The following LIMS2 variants were observed in gnomAD, a reference collection of about 807,000 sequenced individuals.
LIMS2 encodes LIM and senescent cell antigen-like-containing domain protein 2.
Under a neutral mutation model 45.3 loss-of-function variants are expected in LIMS2, and 30 were observed. The observed-to-expected ratio is 0.66, with a 90% CI of 0.50 to 0.90. The LOEUF (loss-of-function observed/expected upper bound fraction) is 0.90. Among genes scored for constraint, LIMS2 ranks in the 40% least tolerant of loss-of-function variants. The pLI is 0.00. For missense variants in LIMS2, 485 were observed against 468.7 expected, an observed-to-expected ratio of 1.03 and a Z score of -0.32; for synonymous variants, 173 against 188.0, an observed-to-expected ratio of 0.92 and a Z score of 0.65.
rs1400628319 is a variant in LIMS2, at chr2:127,672,854, G to C, written c.11+2160C>G. Among the ~76,000 whole-genome samples the C allele has an allele frequency of 6.6e-6, 1 of 152,236 alleles. No homozygotes were observed. Among genetic ancestry groups the C allele is most frequent in the African/African-American group, 2.4e-5 (1 of 41,458 alleles). ...AGGGAGAAGCCCTGAAGGTATGCGA[G>C]CAGAGAGGGTGTTTCCCAAAAGCAG... On this transcript the variant is annotated intron_variant, in intron 1 of 9. Coordinates refer to ENST00000355119, the MANE Select transcript of LIMS2 (RefSeq NM_001161403.3). The surrounding 1 kb of genome is among the most constrained non-coding windows in gnomAD (Gnocchi z 4.9).
intron 8 of LIMS2, 62 bp downstream of exon 8, chr2:127,640,208 C>A: frequency 6.2e-7 from 1 of 1,612,652 alleles, no homozygotes; most frequent in Non-Finnish European, 8.5e-7. Flanking sequence ...GCTGGGCTCA[C>A]AGCTGCAGCA....
chr2:127,672,566 A>G lies in LIMS2; in HGVS notation c.11+2448T>C, dbSNP rs930994010. Among the ~76,000 whole-genome samples the G allele has an allele frequency of 6.6e-6, 1 of 152,124 alleles. No individual in the cohort carries two copies. Among genetic ancestry groups the G allele is most frequent in the Admixed American group, 6.5e-5 (1 of 15,282 alleles). On this transcript the variant is annotated intron_variant, in intron 1 of 9. Transcript: ENST00000355119. The surrounding 1 kb of genome is among the most constrained non-coding windows in gnomAD (Gnocchi z 4.9). ...ACCCTCTGTGGCCCACCTCACAGCC[A>G]GTCAGTTGGGTCCTGTCCACTCCAC... is the stretch of plus-strand genomic sequence containing the variant.
rs1682127702 is a variant in LIMS2 at position 127,639,140 on chromosome 2, C to T, written c.*141G>A. 3 of 874,288 alleles carry T rather than the reference C, an allele frequency of 3.4e-6. No individual in the cohort carries two copies. The highest frequency in any genetic ancestry group is 5.2e-6 in the Non-Finnish European group (3 of 576,392). The allele number at this position is 874,288 out of a possible 1,614,324, so 54.2% of individuals were successfully genotyped here. On this transcript the variant is annotated 3_prime_UTR_variant, in exon 10 of 10. Coordinates refer to ENST00000355119, the MANE Select transcript of LIMS2 (RefSeq NM_001161403.3). ...CATGGGGAAGGCAGAGATGAGGGAA[C>T]AGGAAGGGAGAAGGCAATGAGGAAA...
intron 1 of LIMS2, chr2:127,674,785 G>T (rs1205883798): frequency 1.0e-6 from 1 of 985,290 alleles, no homozygotes; most frequent in African/African-American, 1.7e-5. Flanking sequence ...CGGGCGGGTG[G>T]GCAGGAGCTC....
intron 2 of LIMS2, chr2:127,655,288 C>A (rs2105295375): frequency 3.6e-6 from 1 of 275,120 alleles, no homozygotes; most frequent in East Asian, 8.9e-5. Flanking sequence ...GTGGGAGTAT[C>A]CAGCTCTCTC....
At position 127,667,126 on chromosome 2, in the gene LIMS2, TACAA is replaced by T. The variant is rs1246296697; in HGVS notation, c.11+7884_11+7887del. Among the ~76,000 whole-genome samples the T allele has an allele frequency of 1.3e-5, 2 of 152,090 alleles. No individual in the cohort carries two copies. The highest frequency in any genetic ancestry group is 4.8e-5 in the African/African-American group (2 of 41,404). On this transcript the variant is annotated intron_variant, in intron 1 of 9. Coordinates refer to ENST00000355119, the MANE Select transcript of LIMS2 (RefSeq NM_001161403.3). The surrounding 1 kb of genome is among the most constrained non-coding windows in gnomAD (Gnocchi z 4.1). ...GTTTAACTAGAATTAACACCAAACCTACAAACAAACATACAAAACACCAGTGTGG... is the reference window on the plus strand; with the variant it reads ...GTTTAACTAGAATTAACACCAAACCTACAAACATACAAAACACCAGTGTGG...
In LIMS2 at chr2:127,656,570, T is replaced by C. The variant is rs112009679; in HGVS notation, c.171+833A>G. ...CTGGGATTACAGGCACCTGCCACCA[T>C]GCCAGGCTCATTTTTTGTATTTTTA... is the stretch of plus-strand genomic sequence containing the variant. On this transcript the variant is annotated intron_variant, in intron 2 of 9. Transcript: ENST00000355119. Among the ~76,000 whole-genome samples, 1,477 of 152,172 alleles carry C rather than the reference T, an allele frequency of 9.7e-3. 29 individuals are homozygous for C. Among genetic ancestry groups the C allele is most frequent in the African/African-American group, 0.033 (1,387 of 41,522 alleles).
chr2:127,677,329 CAAAT>C (rs747191572), upstream of LIMS2, among the ~76,000 whole-genome samples: 34 of 152,210 alleles, frequency 2.2e-4, no homozygotes, highest in Non-Finnish European at 4.3e-4. The surrounding 1 kb of genome is among the most constrained non-coding windows in gnomAD (Gnocchi z 5.0). Flanking sequence ...GGGCAATAAA[CAAAT>C]AAATAAATAC....
Position 127,654,474 on chromosome 2 carries a change from C to G in LIMS2, c.309G>C (p.Glu103Asp). 7 of 1,614,188 alleles carry G rather than the reference C, an allele frequency of 4.3e-6. No individual in the cohort carries two copies. The highest frequency in any genetic ancestry group is 1.3e-5 in the African/African-American group (1 of 75,066). ...GGTCAGCCAGCTCCACATCACACAG[C>G]TCGCAGCGGAAGCAGCCCGGGTGCC... ...NNWHPGCFRC[E>D]LCDVELADLG... is the part of the protein sequence containing the mutation. Residue 103 changes from glutamate to aspartate, a missense_variant, in exon 4 of 10, where the codon GAG (glutamate) becomes GAC (aspartate). Physicochemically the swap from Glu to Asp is conservative, Grantham distance 45. Transcript: ENST00000355119.
intron 4 of LIMS2, chr2:127,650,329 C>T (rs1683601094): frequency 1.8e-6 from 1 of 561,356 alleles, no homozygotes; most frequent in Admixed American, 3.3e-5. Context: ...CTCACCACCC[C>T]TGTCACTCAG....
At chr2:127,650,144 C>T (rs1243750046) in intron 4 of LIMS2, 4 of 1,409,074 alleles carry the variant, frequency 2.8e-6, no homozygotes, top group Non-Finnish European at 3.9e-6. Context: ...GGGCACCCTC[C>T]TAAGTGCCAG....
rs1685332477 is a variant in LIMS2 at position 127,672,921 on chromosome 2, T to TC, written c.11+2092dup. Among the ~76,000 whole-genome samples, 1 of 152,104 alleles carries TC rather than the reference T, an allele frequency of 6.6e-6. No homozygotes were observed. The highest frequency in any genetic ancestry group is 2.1e-4 in the South Asian group (1 of 4,832). On this transcript the variant is annotated intron_variant, in intron 1 of 9. Coordinates refer to ENST00000355119, the MANE Select transcript of LIMS2 (RefSeq NM_001161403.3). The surrounding 1 kb of genome is among the most constrained non-coding windows in gnomAD (Gnocchi z 4.9). The stretch of plus-strand genomic sequence containing the variant: ...ATGGGGGATCCCGAGAGAACCAGGA[T>TC]CCAGGCACGAGGAGCTGCCCGGGAT...
At position 127,674,917 on chromosome 2, in the gene LIMS2, C is replaced by T. The variant is rs565899257; in HGVS notation, c.11+97G>A. On this transcript the variant is annotated intron_variant, in intron 1 of 9. Coordinates refer to ENST00000355119, the MANE Select transcript of LIMS2 (RefSeq NM_001161403.3). Reference sequence around the variant, plus strand: ...CGACGCGCCAGGGCGGAGCGGGGATCGTGGCGCCGCGGGGCTGTACGAGGG... The same window carrying T: ...CGACGCGCCAGGGCGGAGCGGGGATTGTGGCGCCGCGGGGCTGTACGAGGG... The T allele has an allele frequency of 7.0e-4, 854 of 1,221,134 alleles. 7 individuals carry two copies. In the Middle Eastern group the frequency reaches 0.011, roughly 15 times the overall value. 75.6% of individuals were successfully genotyped at this position (1,221,134 alleles called of 1,614,324 possible).
chr2:127,676,498 G>A (rs375830612), upstream of LIMS2, among the ~76,000 whole-genome samples: 5 of 137,214 alleles, frequency 3.6e-5, no homozygotes, highest in East Asian at 6.9e-4. Flanking sequence ...TGCAACCTCC[G>A]CCTCCCAGGT....
intron 1 of LIMS2, among the ~76,000 whole-genome samples, chr2:127,659,474 G>A (rs918606530): frequency 1.3e-5 from 2 of 152,082 alleles, no homozygotes; most frequent in Non-Finnish European, 2.9e-5. Flanking sequence ...GAGCCTGGCC[G>A]CCCCAAGCCA....
At chr2:127,649,459 C>T (rs928450593) in intron 4 of LIMS2, among the ~76,000 whole-genome samples, 8 of 152,324 alleles carry the variant, frequency 5.3e-5, no homozygotes, top group Non-Finnish European at 1.0e-4. Context: ...CAGAGGAGCC[C>T]CAGAAGCTGT....
intron 1 of LIMS2, among the ~76,000 whole-genome samples, chr2:127,660,824 T>G (rs932629821): frequency 6.6e-6 from 1 of 151,606 alleles, no homozygotes; most frequent in African/African-American, 2.4e-5. Flanking sequence ...TTAGACCTGA[T>G]AGCCAGTCTG....
intron 4 of LIMS2, chr2:127,650,577 C>A: frequency 1.6e-6 from 1 of 638,146 alleles, no homozygotes. Context: ...AAGGAGGTCC[C>A]CTCAGCAGCC....
intron 1 of LIMS2, among the ~76,000 whole-genome samples, chr2:127,660,986 C>T (rs1684608380): frequency 1.3e-5 from 2 of 152,176 alleles, no homozygotes; most frequent in South Asian, 2.1e-4. Flanking sequence ...CTGCCCCAGC[C>T]CAAGTCACAG....
Sources: gnomAD v4.1 joint callset for allele counts (sites outside exome capture counted in the v4.1 genomes callset) on GRCh38, gnomAD v4.1.1 for gene constraint, Gnocchi (gnomAD v3.1) non-coding constraint, MANE v1.5 for transcripts, NCBI Gene and HGNC (gene_info 2026-07-23, HGNC 2026-07-21) for gene names.